The following SCAND3 variants were observed in gnomAD, a reference collection of about 807,000 sequenced individuals.
The protein encoded by SCAND3 is SCAN domain-containing protein 3.
chr6:28,586,153 A>G, the SCAND3 span: 2 of 672,638 alleles, frequency 3.0e-6, no homozygotes, highest in Non-Finnish European at 5.3e-6. The surrounding 1 kb of genome is among the most constrained non-coding windows in gnomAD (Gnocchi z 4.4). Context: ...ATATGCACGC[A>G]TCTATTCATC....
the SCAND3 span, among the ~76,000 whole-genome samples, chr6:28,595,155 C>T: frequency 6.4e-5 from 8 of 124,536 alleles, no homozygotes; most frequent in African/African-American, 1.6e-4. Flanking sequence ...CCTAGGAGTT[C>T]GAGACCAGAT....
the SCAND3 span, chr6:28,589,865 T>TG: frequency 1.3e-5 from 2 of 148,944 alleles, no homozygotes; most frequent in African/African-American, 4.9e-5. Context: ...TGTTTTTTTT[T>TG]TTTTTTTTCG....
the SCAND3 span, chr6:28,571,596 A>G: frequency 8.3e-3 from 2,143 of 258,594 alleles, 43 homozygotes; most frequent in African/African-American, 0.043. Context: ...CAATCTTAAC[A>G]TGCTAATGAA....
the SCAND3 span, chr6:28,594,149 A>G: frequency 6.6e-6 from 1 of 152,270 alleles, no homozygotes; most frequent in African/African-American, 2.4e-5. Context: ...GTGAAAATGT[A>G]AAGTAGTACA....
chr6:28,603,609 A>G, the SCAND3 span, among the ~76,000 whole-genome samples: 2 of 147,426 alleles, frequency 1.4e-5, no homozygotes, highest in Non-Finnish European at 3.0e-5. Context: ...TTCCAGGTAT[A>G]TTATATCTAA....
chr6:28,586,965 G>A, the SCAND3 span: 1 of 510,870 alleles, frequency 2.0e-6, no homozygotes, highest in Non-Finnish European at 3.4e-6. The surrounding 1 kb of genome is among the most constrained non-coding windows in gnomAD (Gnocchi z 4.4). Context: ...AGCACAGAGC[G>A]ACTCACTAAA....
chr6:28,596,567 CAT>C, the SCAND3 span, among the ~76,000 whole-genome samples: 17 of 151,740 alleles, frequency 1.1e-4, no homozygotes, highest in African/African-American at 3.1e-4. Context: ...ATTTTGGAAT[CAT>C]GTGAATGCAG....
chr6:28,573,882 A>G, the SCAND3 span: 8 of 1,441,632 alleles, frequency 5.5e-6, no homozygotes, highest in Non-Finnish European at 7.3e-6. Context: ...CCTTCAGCTA[A>G]CAGTGTTATA....
At chr6:28,590,327 C>T in the SCAND3 span, 1 of 152,372 alleles carries the variant, frequency 6.6e-6, no homozygotes, top group Non-Finnish European at 1.5e-5. Context: ...ACACTCGGTC[C>T]GAAGCATCCG....
At chr6:28,595,698 G>C in the SCAND3 span, among the ~76,000 whole-genome samples, 2 of 151,016 alleles carry the variant, frequency 1.3e-5, no homozygotes, top group Non-Finnish European at 2.9e-5. Flanking sequence ...CTCCAGCCTG[G>C]GCAACAAGAG....
chr6:28,588,378 A>G, the SCAND3 span, among the ~76,000 whole-genome samples: 1 of 152,174 alleles, frequency 6.6e-6, no homozygotes, highest in African/African-American at 2.4e-5. The surrounding 1 kb of genome is among the most constrained non-coding windows in gnomAD (Gnocchi z 4.1). Flanking sequence ...TGGAGTAAGC[A>G]TGACTTCTAA....
At chr6:28,609,527 A>T in the SCAND3 span, among the ~76,000 whole-genome samples, 1 of 152,354 alleles carries the variant, frequency 6.6e-6, no homozygotes, top group African/African-American at 2.4e-5. Flanking sequence ...ACAGCTAATG[A>T]ATGCAGGAGA....
the SCAND3 span, chr6:28,572,401 T>C: frequency 1.2e-5 from 20 of 1,613,252 alleles, no homozygotes; most frequent in African/African-American, 4.0e-5. This position sits in a 1 kb window ranked among gnomAD's most constrained non-coding sequence, Gnocchi z 4.1. Flanking sequence ...ACCTACTTCA[T>C]TGATAATTGT....
the SCAND3 span, chr6:28,571,837 A>G: frequency 6.5e-7 from 1 of 1,533,056 alleles, no homozygotes; most frequent in Non-Finnish European, 8.7e-7. Context: ...TTAAAGTGAA[A>G]TAGCAAATTC....
At chr6:28,588,498 A>C in the SCAND3 span, among the ~76,000 whole-genome samples, 1 of 152,260 alleles carries the variant, frequency 6.6e-6, no homozygotes. This position sits in a 1 kb window ranked among gnomAD's most constrained non-coding sequence, Gnocchi z 4.1. Context: ...ATATTTAAAA[A>C]GTCAACGTGG....
the SCAND3 span, chr6:28,575,796 G>A: frequency 1.9e-6 from 3 of 1,613,928 alleles, no homozygotes; most frequent in South Asian, 1.1e-5. This position sits in a 1 kb window ranked among gnomAD's most constrained non-coding sequence, Gnocchi z 4.2. Context: ...AGTCCTCACT[G>A]TGTAAGTAAT....
At chr6:28,608,864 C>T in the SCAND3 span, among the ~76,000 whole-genome samples, 6 of 151,678 alleles carry the variant, frequency 4.0e-5, no homozygotes, top group Admixed American at 3.9e-4. Flanking sequence ...TGGTGCATGC[C>T]TGTATTCCCA....
At chr6:28,603,248 G>A in the SCAND3 span, among the ~76,000 whole-genome samples, 3,063 of 152,186 alleles carry the variant, frequency 0.02, 45 homozygotes, top group African/African-American at 0.04. Context: ...GTGAGCCACC[G>A]TGCCCGCCCA....
chr6:28,571,881 C>A, the SCAND3 span: 45 of 1,600,034 alleles, frequency 2.8e-5, no homozygotes, highest in Non-Finnish European at 3.8e-5. Context: ...TACTTTGAAC[C>A]AATACCTTAC....
Sources: allele counts gnomAD v4.1 joint callset (sites outside exome capture counted in the v4.1 genomes callset), GRCh38; gene constraint gnomAD v4.1.1; non-coding constraint Gnocchi (gnomAD v3.1); transcripts MANE v1.5; gene names NCBI Gene and HGNC (gene_info 2026-07-23, HGNC 2026-07-21).